TMOD2: variants seen among roughly 807,000 people sequenced by gnomAD.
TMOD2 encodes the protein tropomodulin 2.
A neutral mutation model predicts 39.9 loss-of-function variants in TMOD2; 22 were observed. The ratio of observed to expected loss-of-function variants is 0.55; its 90% CI spans 0.39 to 0.79. TMOD2 has a LOEUF of 0.79. Among genes scored for constraint, TMOD2 ranks in the 30% least tolerant of loss-of-function variants. The pLI, the probability that TMOD2 is intolerant of heterozygous loss-of-function variation, is 0.00. For missense variants in TMOD2, 386 were observed against 413.3 expected (o/e 0.93, Z 0.57); for synonymous variants, 123 against 146.1 (o/e 0.84, Z 1.14).
rs2141648059 is a variant in TMOD2, at chr15:51,809,630, A to T, written c.*1176A>T. 1 of 152,354 alleles carries T rather than the reference A, an allele frequency of 6.6e-6. No homozygotes were observed. The highest frequency in any genetic ancestry group is 3.4e-3 in the Middle Eastern group (1 of 294). The allele number at this position is 152,354 out of a possible 1,614,324, so 9.4% of individuals were successfully genotyped here. A position where few individuals can be genotyped will look rare whatever the true frequency, so the allele number is the denominator to read the frequency against. ...CTAAACTAATGAAGCAGGTGACTGC[A>T]GCCTTTGGCTCAAGCTCACAACTCT... On this transcript the variant is annotated 3_prime_UTR_variant, in exon 10 of 10. Coordinates refer to ENST00000249700, the MANE Select transcript of TMOD2 (RefSeq NM_014548.4).
intron 9 of TMOD2, 113 bp from the exon 10 acceptor site, chr15:51,808,307 T>C: frequency 1.3e-6 from 1 of 749,740 alleles, no homozygotes; most frequent in Non-Finnish European, 2.2e-6. Flanking sequence ...AAATTTAAGA[T>C]AACTGTATCC....
intron 7 of TMOD2, among the ~76,000 whole-genome samples, chr15:51,788,666 G>A (rs897029649): frequency 1.3e-5 from 2 of 152,000 alleles, no homozygotes; most frequent in African/African-American, 4.8e-5. Context: ...CAGACTAACA[G>A]CGGATCTCTC....
Position 51,798,260 on chromosome 15 carries a change from A to T in TMOD2, c.796A>T (p.Ile266Phe). The change falls in exon 8 of 10, where the codon ATC becomes TTC. Residue 266 changes from isoleucine (I) to phenylalanine (F), a missense_variant. Physicochemically the swap from Ile to Phe is conservative, Grantham distance 21. Transcript: ENST00000249700. ...AAGTCTAAACATAGAATCCAATTTT[A>T]TCACTGGAACTGGGATCCTGGCCCT... ...LTSLNIESNF[I>F]TGTGILALVE... The T allele has an allele frequency of 6.2e-7, 1 of 1,614,044 alleles. No individual in the cohort carries two copies. The highest frequency in any genetic ancestry group is 8.5e-7 in the Non-Finnish European group (1 of 1,179,998).
At chr15:51,801,039 A>G (rs1400180696) in intron 8 of TMOD2, among the ~76,000 whole-genome samples, 1 of 152,000 alleles carries the variant, frequency 6.6e-6, no homozygotes, top group Non-Finnish European at 1.5e-5. Context: ...GACAAGGAGG[A>G]TTAAGATTTT....
At chr15:51,784,373 G>A (rs532619676) in intron 7 of TMOD2, 1 of 152,312 alleles carries the variant, frequency 6.6e-6, no homozygotes, top group South Asian at 2.1e-4. Flanking sequence ...CATGTCTTTT[G>A]GAAGATCTAA....
In TMOD2 at chr15:51,810,750, C is replaced by CTTTTTT. The variant is rs112265395; in HGVS notation, c.*2308_*2313dup. ...CTGCCTCTCCAAGTAAGCCTTTTTCCTTTTTTTTTTTTTTTTTCTTACTCT... is the reference window on the plus strand; with the variant it reads ...CTGCCTCTCCAAGTAAGCCTTTTTCCTTTTTTTTTTTTTTTTTTTTTTTCTTACTCT... On this transcript the variant is annotated 3_prime_UTR_variant, in exon 10 of 10. Coordinates refer to ENST00000249700, the MANE Select transcript of TMOD2 (RefSeq NM_014548.4). The CTTTTTT allele has an allele frequency of 7.2e-6, 1 of 139,286 alleles. No individual in the cohort carries two copies. 8.6% of individuals were successfully genotyped at this position (139,286 alleles called of 1,614,324 possible).
At chr15:51,803,436 C>T (rs569585061) in intron 8 of TMOD2, among the ~76,000 whole-genome samples, 2 of 152,256 alleles carry the variant, frequency 1.3e-5, no homozygotes, top group South Asian at 4.1e-4. Context: ...CTGCCTCTGC[C>T]TCCCAAAGTG....
chr15:51,782,949 G>A, intron 7 of TMOD2, 121 bp downstream of exon 7: 1 of 807,506 alleles, frequency 1.2e-6, no homozygotes. Context: ...CACAGTTAGT[G>A]AGCAAAATTA....
At chr15:51,789,572 A>G (rs902436000) in intron 7 of TMOD2, among the ~76,000 whole-genome samples, 2 of 152,216 alleles carry the variant, frequency 1.3e-5, no homozygotes, top group African/African-American at 4.8e-5. Flanking sequence ...TCTCAGCACC[A>G]CATCGCACTT....
At chr15:51,802,550 T>C (rs955037072) in intron 8 of TMOD2, among the ~76,000 whole-genome samples, 59 of 152,212 alleles carry the variant, frequency 3.9e-4, no homozygotes, top group African/African-American at 1.4e-3. Context: ...CTTGGGAATA[T>C]AGGTGATTTG....
In TMOD2 at chr15:51,816,143, G is replaced by A. The variant is rs2056187124; in HGVS notation, c.*7689G>A. On this transcript the variant is annotated 3_prime_UTR_variant, in exon 10 of 10. Coordinates refer to ENST00000249700, the MANE Select transcript of TMOD2 (RefSeq NM_014548.4). ...GTATGAAATATTATACTTTTACCCT[G>A]GATAATTATTCAGGACCCCAGTTGG... 1 of 152,120 alleles carries A rather than the reference G, an allele frequency of 6.6e-6. No homozygotes were observed. Among genetic ancestry groups the A allele is most frequent in the Admixed American group, 6.6e-5 (1 of 15,262 alleles). The allele number at this position is 152,120 out of a possible 1,614,324, so 9.4% of individuals were successfully genotyped here.
At chr15:51,778,038 G>T (rs1160314176) in intron 5 of TMOD2, among the ~76,000 whole-genome samples, 1 of 151,212 alleles carries the variant, frequency 6.6e-6, no homozygotes, top group East Asian at 1.9e-4. Context: ...ACATGCACAC[G>T]TATGTTTATT....
intron 4 of TMOD2, among the ~76,000 whole-genome samples, chr15:51,774,664 CT>C (rs2055875468): frequency 6.6e-6 from 1 of 152,134 alleles, no homozygotes; most frequent in Non-Finnish European, 1.5e-5. Flanking sequence ...TGTTTGTGAA[CT>C]TAATATTGAC....
At chr15:51,780,639 A>G (rs1008941630) in intron 5 of TMOD2, among the ~76,000 whole-genome samples, 1 of 152,224 alleles carries the variant, frequency 6.6e-6, no homozygotes, top group African/African-American at 2.4e-5. Flanking sequence ...TCAAGAGGCC[A>G]GAGGGGTATT....
At chr15:51,805,987 G>C (rs1001867237) in intron 8 of TMOD2, among the ~76,000 whole-genome samples, 9 of 152,150 alleles carry the variant, frequency 5.9e-5, no homozygotes, top group African/African-American at 2.2e-4. Flanking sequence ...TTAGTAATTG[G>C]ATTGGCTGCT....
intron 1 of TMOD2, among the ~76,000 whole-genome samples, chr15:51,763,694 G>A (rs1173651327): frequency 6.6e-6 from 1 of 152,196 alleles, no homozygotes; most frequent in Non-Finnish European, 1.5e-5. Flanking sequence ...GTATTCCACA[G>A]TTGTCCCTGG....
intron 7 of TMOD2, among the ~76,000 whole-genome samples, chr15:51,790,443 A>C (rs1364085867): frequency 6.6e-6 from 1 of 152,224 alleles, no homozygotes; most frequent in Non-Finnish European, 1.5e-5. Context: ...AGGAGCTGGT[A>C]TCATTCCTTC....
rs1317834480 is a variant in TMOD2 at position 51,773,726 on chromosome 15, C to A, written c.298C>A (p.Pro100Thr). ...TGEKKGRVFI[P>T]KEKPIETRKE... Reference sequence around the variant, plus strand: ...CTGATTTAAAGGGAGAGTCTTTATCCCTAAAGAAAAGCCTATAGAAACTCG... The same window carrying A: ...CTGATTTAAAGGGAGAGTCTTTATCACTAAAGAAAAGCCTATAGAAACTCG... Residue 100 changes from proline (P) to threonine (T), a missense_variant, in exon 4 of 10, where the codon CCT becomes ACT. Pro to Thr is a conservative substitution (Grantham distance 38, BLOSUM62 -1). Transcript: ENST00000249700. 6.2e-7 allele frequency: 1 copy of A among 1,607,866 alleles called. No individual in the cohort carries two copies. Among genetic ancestry groups the A allele is most frequent in the South Asian group, 1.1e-5 (1 of 89,898 alleles).
intron 7 of TMOD2, among the ~76,000 whole-genome samples, chr15:51,790,720 A>G (rs938390575): frequency 6.6e-6 from 1 of 152,080 alleles, no homozygotes; most frequent in African/African-American, 2.4e-5. Context: ...CAATAAACAT[A>G]ATCCATCACA....
Sources: gnomAD v4.1 joint callset for allele counts (sites outside exome capture counted in the v4.1 genomes callset) on GRCh38, gnomAD v4.1.1 for gene constraint, MANE v1.5 for transcripts, NCBI Gene and HGNC (gene_info 2026-07-23, HGNC 2026-07-21) for gene names.